Variants in TMEM233 observed in about 807,000 individuals in gnomAD.
The protein encoded by TMEM233 is transmembrane protein 233.
In TMEM233, 6 loss-of-function variants were observed where a neutral mutation model predicts 11.2. The ratio of observed to expected loss-of-function variants is 0.54; its 90% CI spans 0.29 to 1.06. TMEM233 has a LOEUF of 1.06. Among genes scored for constraint, TMEM233 ranks in the 50% least tolerant of loss-of-function variants. The probability of loss-of-function intolerance (pLI) is 0.08; values close to 1 mark genes in which losing one functional copy is unlikely to be tolerated. For synonymous variants in TMEM233, 59 were observed against 55.8 expected (o/e 1.06, Z -0.26); for missense variants, 127 against 144.7 (o/e 0.88, Z 0.63).
At chr12:119,653,406 A>AAAC in the TMEM233 span, among the ~76,000 whole-genome samples, 1 of 151,330 alleles carries the variant, frequency 6.6e-6, no homozygotes, top group Non-Finnish European at 1.5e-5. Context: ...AAAAAAAAAA[A>AAAC]AAAAAATTAA....
At chr12:119,627,434 A>C (rs571754288) in intron 1 of TMEM233, among the ~76,000 whole-genome samples, 1 of 152,358 alleles carries the variant, frequency 6.6e-6, no homozygotes, top group Non-Finnish European at 1.5e-5. Flanking sequence ...CTGCAGGCTA[A>C]ACAAACATGG....
chr12:119,645,320 CAA>C (rs3078450), downstream of TMEM233, among the ~76,000 whole-genome samples: 1,808 of 74,840 alleles, frequency 0.024, 37 homozygotes, highest in Non-Finnish European at 0.034. Context: ...CACCAATTAC[CAA>C]AAAAAAAAAA....
chr12:119,608,957 G>A (rs1819381704), intron 1 of TMEM233, among the ~76,000 whole-genome samples: 1 of 152,156 alleles, frequency 6.6e-6, no homozygotes, highest in African/African-American at 2.4e-5. Context: ...TGGTACTGAG[G>A]GAGTGGGGCG....
intron 2 of TMEM233, among the ~76,000 whole-genome samples, chr12:119,630,300 G>A (rs913058123): frequency 1.3e-5 from 2 of 152,194 alleles, no homozygotes; most frequent in African/African-American, 4.8e-5. Context: ...CCATTACATG[G>A]ATCATATAGG....
the TMEM233 span, among the ~76,000 whole-genome samples, chr12:119,653,893 T>A: frequency 6.6e-6 from 1 of 151,630 alleles, no homozygotes; most frequent in Non-Finnish European, 1.5e-5. Flanking sequence ...ATGGAGCATT[T>A]AAAAAGTTTG....
Position 119,629,861 on chromosome 12 carries a change from C to T in TMEM233, c.312C>T (p.His104=). 1 of 1,550,596 alleles carries T rather than the reference C, an allele frequency of 6.4e-7. No individual in the cohort carries two copies. Among genetic ancestry groups the T allele is most frequent in the Non-Finnish European group, 8.7e-7 (1 of 1,146,656 alleles). ...TCATCGGCATTTCTTGTGCAGTTCA[C>T]TTCACAAGGAAGTAAGTAGGCTTTT... ...LLIIGISCAV[H]FTRNA Residue 104 remains histidine, a synonymous_variant, in exon 2 of 3, where the codon CAC becomes CAT. Transcript: ENST00000426426.
In TMEM233 at chr12:119,615,173, T is replaced by TAAAAAAAAAAAAA. The variant is rs60318959; in HGVS notation, c.187-14542_187-14530dup. On this transcript the variant is annotated intron_variant, in intron 1 of 2. Coordinates refer to ENST00000426426, the MANE Select transcript of TMEM233 (RefSeq NM_001136534.3). ...AGGTCTCAGTCTACCCGCTTTCTGC[T>TAAAAAAAAAAAAA]AAAAAAAAAAAAAAAAAAAAAAAAA... is the stretch of plus-strand genomic sequence containing the variant. 8.4e-4 allele frequency among the ~76,000 whole-genome samples: 47 copies of TAAAAAAAAAAAAA among 56,196 alleles called. 1 individual carries two copies. The highest frequency in any genetic ancestry group is 3.0e-3 in the East Asian group (4 of 1,348). 36.9% of individuals were successfully genotyped at this position (56,196 alleles called of 152,430 possible).
chr12:119,605,335 A>T (rs1954252185), intron 1 of TMEM233, among the ~76,000 whole-genome samples: 1 of 151,454 alleles, frequency 6.6e-6, no homozygotes, highest in African/African-American at 2.4e-5. Context: ...GAAATGTGGT[A>T]AGCCTCTCCA....
chr12:119,650,224 T>C, the TMEM233 span, among the ~76,000 whole-genome samples: 1 of 152,146 alleles, frequency 6.6e-6, no homozygotes, highest in South Asian at 2.1e-4. Flanking sequence ...CCAGACATTC[T>C]GCTAAACCTT....
chr12:119,615,173 T>TAAAAAAAAAAAAAAAAAAAAAAACAA (rs1954496784), intron 1 of TMEM233, among the ~76,000 whole-genome samples: 1 of 56,184 alleles, frequency 1.8e-5, no homozygotes, highest in African/African-American at 7.3e-5. Context: ...CGCTTTCTGC[T>TAAAAAAAAAAAAAAAAAAAAAAACAA]AAAAAAAAAA....
At chr12:119,603,339 C>T (rs1954204500) in intron 1 of TMEM233, among the ~76,000 whole-genome samples, 1 of 152,110 alleles carries the variant, frequency 6.6e-6, no homozygotes, top group African/African-American at 2.4e-5. Flanking sequence ...ATTATCCGCC[C>T]AGATGAGTGG....
chr12:119,619,267 C>A (rs1456188016), intron 1 of TMEM233, among the ~76,000 whole-genome samples: 1 of 152,134 alleles, frequency 6.6e-6, no homozygotes, highest in Non-Finnish European at 1.5e-5. Flanking sequence ...ATAAATTGCC[C>A]AGTCTCAAGT....
chr12:119,606,592 A>G (rs899020519), intron 1 of TMEM233, among the ~76,000 whole-genome samples: 2 of 152,256 alleles, frequency 1.3e-5, no homozygotes, highest in African/African-American at 4.8e-5. Flanking sequence ...TGGCATTAGC[A>G]ATAGCAAACA....
At chr12:119,601,657 CAAA>C (rs34870019) in intron 1 of TMEM233, among the ~76,000 whole-genome samples, 997 of 90,442 alleles carry the variant, frequency 0.011, 8 homozygotes, top group African/African-American at 0.039. Flanking sequence ...GATTCCGCCT[CAAA>C]AAAAAAAAAA....
chr12:119,643,143 CTCA>C (rs1294851911), downstream of TMEM233: 5 of 152,292 alleles, frequency 3.3e-5, no homozygotes, highest in Admixed American at 1.3e-4. Context: ...CCAAAATAAG[CTCA>C]TCTAGTCCAG....
chr12:119,650,626 ATTT>A, the TMEM233 span, among the ~76,000 whole-genome samples: 1 of 97,698 alleles, frequency 1.0e-5, no homozygotes, highest in East Asian at 2.5e-4. Context: ...TGCTTATTTG[ATTT>A]TGTTGTTGTT....
intron 1 of TMEM233, among the ~76,000 whole-genome samples, chr12:119,611,476 G>A (rs1844874699): frequency 6.6e-6 from 1 of 152,024 alleles, no homozygotes; most frequent in South Asian, 2.1e-4. Flanking sequence ...TTTCTTCAAA[G>A]AAATGTCCAT....
chr12:119,622,158 CTA>C (rs1954656261), intron 1 of TMEM233, among the ~76,000 whole-genome samples: 2 of 152,272 alleles, frequency 1.3e-5, no homozygotes, highest in South Asian at 4.1e-4. Flanking sequence ...TCTCTCCTGA[CTA>C]TGATACATGA....
chr12:119,635,869 C>A (rs1954962426), intron 2 of TMEM233, among the ~76,000 whole-genome samples: 1 of 152,156 alleles, frequency 6.6e-6, no homozygotes, highest in Admixed American at 6.5e-5. Context: ...TACAGATGAA[C>A]AGTCAGATGG....
Sources: gnomAD v4.1 joint callset for allele counts (sites outside exome capture counted in the v4.1 genomes callset) on GRCh38, gnomAD v4.1.1 for gene constraint, MANE v1.5 for transcripts, NCBI Gene and HGNC (gene_info 2026-07-23, HGNC 2026-07-21) for gene names.